Variants in DACT2 observed in about 807,000 individuals in gnomAD.
The protein encoded by DACT2 is dapper homolog 2.
DACT2 carries 20 observed loss-of-function variants against 22.2 expected under a neutral mutation model. The ratio of observed to expected loss-of-function variants is 0.90; its 90% confidence interval spans 0.63 to 1.31. The LOEUF (loss-of-function observed/expected upper bound fraction) is 1.31. DACT2 is among the 50% of genes most tolerant of loss of function. The pLI, the probability that DACT2 is intolerant of heterozygous loss-of-function variation, is 0.00. For synonymous variants in DACT2, 463 were observed against 479.8 expected (o/e 0.96, Z 0.46); for missense variants, 1,048 against 1,061.4 (o/e 0.99, Z 0.18).
rs1562494428 is a variant in DACT2, at chr6:168,307,417, C to CGCAGT, written c.*10_*14dup. On this transcript the variant is annotated 3_prime_UTR_variant, in exon 4 of 4. Coordinates refer to ENST00000366795, the MANE Select transcript of DACT2 (RefSeq NM_214462.5). This position sits in a 1 kb window ranked among gnomAD's most constrained non-coding sequence, Gnocchi z 5.3. ...CCTGTGTGCAGCAGGCTTCTCTTGA[C>CGCAGT]GCAGTCACTGCACCTCACACCATGG... The CGCAGT allele has an allele frequency of 6.4e-7, 1 of 1,551,120 alleles. No homozygotes were observed. The highest frequency in any genetic ancestry group is 1.2e-5 in the South Asian group (1 of 83,978).
chr6:168,319,534 C>T lies in DACT2; in HGVS notation c.100G>A (p.Gly34Arg). The change falls in exon 1 of 4, where the codon GGG becomes AGG. Residue 34 changes from glycine (G) to arginine (R), a missense_variant. Physicochemically the swap from Gly to Arg is moderately radical, Grantham distance 125 (BLOSUM62 -2). Transcript: ENST00000366795. ...CGCTCCTGCTGCGTGGCTCGCAGCCCCTGCAGCTCCTGCAGCCCCGCGAAC... is the reference window on the plus strand; with the variant it reads ...CGCTCCTGCTGCGTGGCTCGCAGCCTCTGCAGCTCCTGCAGCCCCGCGAAC... The part of the protein sequence containing the change: ...AAFAGLQELQ[G>R]LRATQQERVR... The T allele has an allele frequency of 7.3e-7, 1 of 1,371,330 alleles. No homozygotes were observed. Among genetic ancestry groups the T allele is most frequent in the Non-Finnish European group, 9.5e-7 (1 of 1,053,964 alleles). The allele number at this position is 1,371,330 out of a possible 1,614,324, so 84.9% of individuals were successfully genotyped here. A position where few individuals can be genotyped will look rare whatever the true frequency, so the allele number is the denominator to read the frequency against.
intron 3 of DACT2, among the ~76,000 whole-genome samples, chr6:168,295,464 C>T (rs185190017): frequency 1.1e-3 from 162 of 152,216 alleles, no homozygotes; most frequent in Middle Eastern, 6.8e-3. Context: ...ACAAAATAAA[C>T]ACAGTAACAT....
intron 1 of DACT2, among the ~76,000 whole-genome samples, chr6:168,318,276 G>A (rs1779561658): frequency 6.6e-6 from 1 of 152,220 alleles, no homozygotes; most frequent in Non-Finnish European, 1.5e-5. Flanking sequence ...GGCAGAGTTG[G>A]GGGCCCAGGT....
At chr6:168,294,771 C>G in intron 3 of DACT2, 1 of 700,940 alleles carries the variant, frequency 1.4e-6, no homozygotes, top group Middle Eastern at 2.6e-4. Flanking sequence ...AACGATTCTG[C>G]GATTCTGCAG....
intron 4 of DACT2, chr6:168,294,266 C>T (rs529630227): frequency 1.3e-5 from 9 of 702,476 alleles, no homozygotes; most frequent in South Asian, 7.4e-5. Flanking sequence ...CATCTGTCCC[C>T]GAATGCTTGC....
At chr6:168,301,746 G>T (rs1000632332) in intron 3 of DACT2, among the ~76,000 whole-genome samples, 4 of 152,200 alleles carry the variant, frequency 2.6e-5, no homozygotes, top group African/African-American at 4.8e-5. Context: ...ATCTCTGCCT[G>T]CCCAGCCCAC....
chr6:168,307,000 A>C lies in DACT2; in HGVS notation c.*432T>G. ...AGCTTAACGTGGAGTTTAAACTCAA[A>C]TTCAATTTCCAGCTCAGAGTCCTGC... is the stretch of plus-strand genomic sequence containing the variant. On this transcript the variant is annotated 3_prime_UTR_variant, in exon 4 of 4. Transcript: ENST00000366795. 4 of 999,848 alleles carry C rather than the reference A, an allele frequency of 4.0e-6. No homozygotes were observed. The highest frequency in any genetic ancestry group is 4.8e-6 in the Non-Finnish European group (4 of 838,674). 61.9% of individuals were successfully genotyped at this position (999,848 alleles called of 1,614,324 possible).
chr6:168,293,478 TA>T (rs11412578), exon 6 of DACT2: 267 of 161,900 alleles, frequency 1.6e-3, no homozygotes, highest in Non-Finnish European at 2.9e-3. Context: ...GAAGGGGCTT[TA>T]AAAAAAAATA....
rs779405868 is a variant in DACT2 at position 168,311,159 on chromosome 6, G to T, written c.372C>A (p.Pro124=). The part of the protein sequence containing the change: ...SGEALDSDSR[P]SSGFYEMSDG... ...GTCAGGGCGCCCTGGTACCTGAGCTGGGCCTGCTGTCGCTGTCCAGGGCCT... is the reference window on the plus strand; with the variant it reads ...GTCAGGGCGCCCTGGTACCTGAGCTTGGCCTGCTGTCGCTGTCCAGGGCCT... Residue 124 remains proline, a synonymous_variant, in exon 2 of 4, where the codon CCC becomes CCA. Transcript: ENST00000366795. 2.2e-5 allele frequency: 33 copies of T among 1,530,026 alleles called. No individual in the cohort carries two copies. In the African/African-American group the frequency reaches 4.1e-4, roughly 19 times the overall value. 94.8% of individuals were successfully genotyped at this position (1,530,026 alleles called of 1,614,324 possible). A position where few individuals can be genotyped will look rare whatever the true frequency, so the allele number is the denominator to read the frequency against.
At chr6:168,315,686 CCTGA>C (rs549424055) in intron 1 of DACT2, among the ~76,000 whole-genome samples, 2 of 152,204 alleles carry the variant, frequency 1.3e-5, no homozygotes, top group African/African-American at 2.4e-5. Context: ...CTGCTATTTT[CCTGA>C]CTGTTTAAAT....
Position 168,307,648 on chromosome 6 carries a change from GT to G in DACT2, c.2108del (p.Asp703AlafsTer54), listed in dbSNP as rs906894440. On this transcript the variant is annotated frameshift_variant, in exon 4 of 4. Coordinates refer to ENST00000366795, the MANE Select transcript of DACT2 (RefSeq NM_214462.5). LOFTEE classifies it low-confidence loss of function (END_TRUNC). The surrounding 1 kb of genome is among the most constrained non-coding windows in gnomAD (Gnocchi z 5.3). ...RFGDRESSSS[D>X]EEGGAQSRDC... ...CCCTGCTCTGGGCGCCGCCCTCCTC[GT>G]CGCTGCTGCTGGACTCACGGTCTCC... The G allele has an allele frequency of 1.3e-6, 2 of 1,547,428 alleles. No individual in the cohort carries two copies. Among genetic ancestry groups the G allele is most frequent in the Non-Finnish European group, 1.7e-6 (2 of 1,144,420 alleles).
At chr6:168,311,496 C>T (rs1449450425) in intron 1 of DACT2, among the ~76,000 whole-genome samples, 1 of 139,110 alleles carries the variant, frequency 7.2e-6, no homozygotes, top group African/African-American at 2.9e-5. Context: ...ACACCCATCG[C>T]CCCCCACACA....
In DACT2 at chr6:168,311,082, G is replaced by A. The variant is rs967205178; in HGVS notation, c.379+70C>T. Reference sequence around the variant, plus strand: ...GAATTTCAGCCCAAGAGGGGCTGGCGGGATAGGCTTCACCTCTGCCTGTGC... The same window carrying A: ...GAATTTCAGCCCAAGAGGGGCTGGCAGGATAGGCTTCACCTCTGCCTGTGC... On this transcript the variant is annotated intron_variant, in intron 2 of 3. Transcript: ENST00000366795. 9 of 1,427,180 alleles carry A rather than the reference G, an allele frequency of 6.3e-6. No homozygotes were observed. In the Admixed American group the frequency reaches 7.7e-5, roughly 12 times the overall value. 88.4% of individuals were successfully genotyped at this position (1,427,180 alleles called of 1,614,324 possible).
exon 4 of DACT2, chr6:168,294,662 G>T: frequency 6.7e-7 from 1 of 1,486,244 alleles, no homozygotes. Flanking sequence ...GCAGCCTGCA[G>T]GCGGAGCATG....
chr6:168,316,035 C>T (rs1779535701), intron 1 of DACT2, among the ~76,000 whole-genome samples: 1 of 152,190 alleles, frequency 6.6e-6, no homozygotes, highest in African/African-American at 2.4e-5. Context: ...GTCCCGAGAA[C>T]AAAGTTTCAA....
At chr6:168,306,507 A>G (rs958183317), downstream of DACT2, among the ~76,000 whole-genome samples, 9 of 151,742 alleles carry the variant, frequency 5.9e-5, no homozygotes, top group African/African-American at 9.7e-5. Flanking sequence ...CAGTGGCGCA[A>G]TCTTGGCTCA....
rs765952509 is a variant in DACT2, at chr6:168,308,959, G to A, written c.798C>T (p.Ser266=). Residue 266 remains serine, a synonymous_variant, in exon 4 of 4, where the codon TCC becomes TCT. Coordinates refer to ENST00000366795, the MANE Select transcript of DACT2 (RefSeq NM_214462.5). ...ACGGGTACACCTCCCTGCCGCCCTG[G>A]GACACCAGGTCCTGCCGATACTTGG... ...PDPKYRQDLV[S]QGGREVYPYP... 2 of 1,549,606 alleles carry A rather than the reference G, an allele frequency of 1.3e-6. No homozygotes were observed. Among genetic ancestry groups the A allele is most frequent in the South Asian group, 2.4e-5 (2 of 84,064 alleles).
chr6:168,298,180 C>T (rs1779040667), intron 3 of DACT2: 1 of 152,154 alleles, frequency 6.6e-6, no homozygotes. Flanking sequence ...TAAATATAGG[C>T]AAACTTAGCA....
At chr6:168,305,381 G>A (rs34441199), downstream of DACT2, among the ~76,000 whole-genome samples, 22,921 of 152,086 alleles carry the variant, frequency 0.15, 1,998 homozygotes, top group Admixed American at 0.25. Flanking sequence ...AAACCCTGAG[G>A]AGCCCAGACC....
Sources: allele counts gnomAD v4.1 joint callset (sites outside exome capture counted in the v4.1 genomes callset), GRCh38; gene constraint gnomAD v4.1.1; non-coding constraint Gnocchi (gnomAD v3.1); transcripts MANE v1.5; gene names NCBI Gene and HGNC (gene_info 2026-07-23, HGNC 2026-07-21).